Variants in SUGCT observed in about 807,000 individuals in gnomAD.
The protein encoded by SUGCT is succinyl-CoA:glutarate CoA-transferase.
A neutral mutation model predicts 55.0 loss-of-function variants in SUGCT; 41 were observed. The observed-to-expected ratio is 0.74, with a 90% CI of 0.58 to 0.97. SUGCT has a LOEUF of 0.97. Ranked by LOEUF, SUGCT falls within the 50% of genes least tolerant of loss-of-function variation. SUGCT has a pLI of 0.00. For synonymous variants in SUGCT, 187 were observed against 200.4 expected (o/e 0.93, Z 0.56); for missense variants, 568 against 547.8 (o/e 1.04, Z -0.37).
intron 12 of SUGCT, among the ~76,000 whole-genome samples, chr7:40,640,920 G>C (rs1330204756): frequency 6.6e-6 from 1 of 152,236 alleles, no homozygotes; most frequent in Non-Finnish European, 1.5e-5. Context: ...GCCAAGGAAG[G>C]ACCTGGGGCT....
chr7:40,612,075 C>T (rs1359538856), intron 12 of SUGCT, among the ~76,000 whole-genome samples: 1 of 151,332 alleles, frequency 6.6e-6, no homozygotes, highest in South Asian at 2.1e-4. Flanking sequence ...TAATGATCCT[C>T]ATAATGTGTT....
chr7:40,558,225 T>C lies in SUGCT; in HGVS notation c.1089+61839T>C, dbSNP rs190515197. Among the ~76,000 whole-genome samples, 394 of 152,208 alleles carry C rather than the reference T, an allele frequency of 2.6e-3. 3 individuals are homozygous for C. The highest frequency in any genetic ancestry group is 8.7e-3 in the African/African-American group (361 of 41,526). ...AACAGCTTAGTAGTTTCTCCAGAAG[T>C]TAAACATAAAATTATTGTAAGATCT... On this transcript the variant is annotated intron_variant, in intron 12 of 13. Transcript: ENST00000335693.
At chr7:40,591,194 T>C (rs1225271589) in intron 12 of SUGCT, among the ~76,000 whole-genome samples, 1 of 152,172 alleles carries the variant, frequency 6.6e-6, no homozygotes, top group African/African-American at 2.4e-5. Context: ...TAGGAGGAGG[T>C]TGAAATACCA....
At chr7:40,546,381 A>G (rs140183295) in intron 12 of SUGCT, among the ~76,000 whole-genome samples, 1 of 152,332 alleles carries the variant, frequency 6.6e-6, no homozygotes, top group African/African-American at 2.4e-5. Flanking sequence ...TTTCAAAGTA[A>G]TGTGCCCATT....
intron 8 of SUGCT, among the ~76,000 whole-genome samples, chr7:40,275,490 A>G (rs1792405733): frequency 6.6e-6 from 1 of 152,216 alleles, no homozygotes; most frequent in Non-Finnish European, 1.5e-5. Flanking sequence ...TAGTGGGTGT[A>G]ACACTATTAT....
chr7:40,190,985 G>A (rs1342415962), intron 5 of SUGCT, among the ~76,000 whole-genome samples: 1 of 152,162 alleles, frequency 6.6e-6, no homozygotes, highest in Non-Finnish European at 1.5e-5. Flanking sequence ...AGGGCCAACT[G>A]TACTTAGGGC....
chr7:40,543,883 A>G (rs1330944313), intron 12 of SUGCT, among the ~76,000 whole-genome samples: 1 of 152,216 alleles, frequency 6.6e-6, no homozygotes, highest in Admixed American at 6.5e-5. Context: ...TTGAAATATG[A>G]AAGTATTCCA....
intron 12 of SUGCT, among the ~76,000 whole-genome samples, chr7:40,613,931 A>G (rs1363299198): frequency 6.6e-6 from 1 of 152,120 alleles, no homozygotes; most frequent in African/African-American, 2.4e-5. Context: ...CTAACTACAT[A>G]GTAGTGCATA....
At chr7:40,205,253 T>G (rs1323750616) in intron 6 of SUGCT, among the ~76,000 whole-genome samples, 1 of 151,594 alleles carries the variant, frequency 6.6e-6, no homozygotes, top group African/African-American at 2.4e-5. Context: ...AGACTCTGTC[T>G]CAACAAAACA....
chr7:40,643,220 T>G (rs1038853488), intron 12 of SUGCT, among the ~76,000 whole-genome samples: 5 of 152,190 alleles, frequency 3.3e-5, no homozygotes, highest in African/African-American at 1.2e-4. Context: ...AGACTGGTAT[T>G]AATAATATAA....
intron 12 of SUGCT, among the ~76,000 whole-genome samples, chr7:40,686,021 A>G (rs1784446088): frequency 6.6e-6 from 1 of 152,172 alleles, no homozygotes; most frequent in African/African-American, 2.4e-5. Context: ...TAGCTCATCT[A>G]TCCAATTGTC....
the SUGCT span, chr7:40,980,040 G>C: frequency 3.3e-5 from 5 of 152,274 alleles, no homozygotes; most frequent in African/African-American, 1.2e-4. Context: ...GAAAGTCCAA[G>C]ATCAAGGTAC....
intron 7 of SUGCT, 121 bp from the exon 8 acceptor site, chr7:40,274,392 T>G (rs1792321725): frequency 1.0e-6 from 1 of 958,362 alleles, no homozygotes; most frequent in Admixed American, 2.9e-5. Context: ...TTCTTGTGTG[T>G]ATGTGTCTGC....
At chr7:40,743,086 G>C (rs950903829) in intron 12 of SUGCT, among the ~76,000 whole-genome samples, 5 of 152,140 alleles carry the variant, frequency 3.3e-5, no homozygotes, top group African/African-American at 1.2e-4. Flanking sequence ...TATCGATAAT[G>C]ACCATTGTCC....
intron 13 of SUGCT, among the ~76,000 whole-genome samples, chr7:40,832,743 T>C (rs1297998488): frequency 1.3e-5 from 2 of 151,436 alleles, no homozygotes; most frequent in Non-Finnish European, 2.9e-5. Flanking sequence ...GGCCCAATCT[T>C]GGCTCACTGC....
intron 9 of SUGCT, among the ~76,000 whole-genome samples, chr7:40,420,667 A>C (rs1447523319): frequency 3.3e-5 from 5 of 152,014 alleles, no homozygotes; most frequent in African/African-American, 1.2e-4. Flanking sequence ...AAGGAAGACT[A>C]AGTGCTGTGG....
intron 11 of SUGCT, among the ~76,000 whole-genome samples, chr7:40,482,675 C>T (rs1010979844): frequency 1.3e-5 from 2 of 152,128 alleles, no homozygotes; most frequent in Non-Finnish European, 2.9e-5. Flanking sequence ...GTTGTATGGA[C>T]GGTCATAGCA....
chr7:40,539,472 G>A (rs1794555219), intron 12 of SUGCT: 1 of 152,024 alleles, frequency 6.6e-6, no homozygotes, highest in African/African-American at 2.4e-5. Flanking sequence ...CCTCGAATTT[G>A]GTTCTGAGAT....
the SUGCT span, among the ~76,000 whole-genome samples, chr7:40,990,175 T>C: frequency 2.0e-5 from 3 of 152,206 alleles, no homozygotes; most frequent in Non-Finnish European, 4.4e-5. Flanking sequence ...GGCTTCTTGA[T>C]TCATGACCTG....
Sources: gnomAD v4.1 joint callset for allele counts (sites outside exome capture counted in the v4.1 genomes callset) on GRCh38, gnomAD v4.1.1 for gene constraint, MANE v1.5 for transcripts, NCBI Gene and HGNC (gene_info 2026-07-23, HGNC 2026-07-21) for gene names.